Variants in RASEF observed in about 807,000 individuals in gnomAD.
The protein encoded by RASEF is ras and EF-hand domain-containing protein.
A neutral mutation model predicts 90.1 loss-of-function variants in RASEF; 68 were observed. That is an observed-to-expected ratio of 0.75 (90% confidence interval 0.62 to 0.92). The LOEUF (loss-of-function observed/expected upper bound fraction) is 0.92. Among genes scored for constraint, RASEF ranks in the 40% least tolerant of loss-of-function variants. RASEF has a pLI of 0.00. For synonymous variants in RASEF, 331 were observed against 345.2 expected (o/e 0.96, Z 0.46); for missense variants, 949 against 937.2 (o/e 1.01, Z -0.16).
At chr9:83,020,376 G>A (rs893777012) in intron 3 of RASEF, among the ~76,000 whole-genome samples, 4 of 152,214 alleles carry the variant, frequency 2.6e-5, no homozygotes, top group Non-Finnish European at 5.9e-5. Flanking sequence ...GGGGAGCCGA[G>A]GGGAGCCATG....
At chr9:83,108,117 T>G in the RASEF span, among the ~76,000 whole-genome samples, 157 of 152,252 alleles carry the variant, frequency 1.0e-3, no homozygotes, top group African/African-American at 3.6e-3. Context: ...GGGAGCTCTC[T>G]GGGGTGATGG....
the RASEF span, among the ~76,000 whole-genome samples, chr9:83,125,484 G>T: frequency 1.3e-5 from 2 of 152,108 alleles, no homozygotes; most frequent in African/African-American, 4.8e-5. Context: ...GATATCACTG[G>T]CTTCCCACAT....
intron 2 of RASEF, among the ~76,000 whole-genome samples, chr9:83,022,752 C>CCA (rs1829466527): frequency 1.3e-5 from 2 of 152,138 alleles, no homozygotes; most frequent in African/African-American, 4.8e-5. Flanking sequence ...GCCTACTTCA[C>CCA]ACCTAGGCTA....
chr9:83,070,600 G>A, the RASEF span, among the ~76,000 whole-genome samples: 1 of 152,068 alleles, frequency 6.6e-6, no homozygotes, highest in Non-Finnish European at 1.5e-5. Context: ...TTTCAAAGTT[G>A]TTTTGGATAT....
At chr9:83,162,045 G>A in the RASEF span, among the ~76,000 whole-genome samples, 40 of 151,918 alleles carry the variant, frequency 2.6e-4, no homozygotes, top group African/African-American at 9.7e-4. Flanking sequence ...GACTAATACA[G>A]GCACAAAATT....
the RASEF span, among the ~76,000 whole-genome samples, chr9:83,141,910 T>C: frequency 6.6e-6 from 1 of 152,294 alleles, no homozygotes. Flanking sequence ...ATGGAAAATT[T>C]CTGAAATCAA....
At chr9:83,142,166 C>A in the RASEF span, among the ~76,000 whole-genome samples, 2 of 152,044 alleles carry the variant, frequency 1.3e-5, no homozygotes, top group Admixed American at 6.5e-5. Context: ...CTTATTCATG[C>A]AGGAAAAGAA....
intron 1 of RASEF, among the ~76,000 whole-genome samples, chr9:83,034,481 T>A (rs975012282): frequency 3.3e-5 from 5 of 152,330 alleles, no homozygotes; most frequent in African/African-American, 1.2e-4. Flanking sequence ...TCTATTTTTA[T>A]AACATTCCCC....
At chr9:83,202,900 C>T in the RASEF span, among the ~76,000 whole-genome samples, 2 of 152,078 alleles carry the variant, frequency 1.3e-5, no homozygotes, top group South Asian at 2.1e-4. Flanking sequence ...TACATCAAAA[C>T]GTCATGTTGT....
the RASEF span, among the ~76,000 whole-genome samples, chr9:83,161,511 TA>T: frequency 6.6e-6 from 1 of 152,154 alleles, no homozygotes; most frequent in African/African-American, 2.4e-5. Context: ...AGGAAATAAC[TA>T]ACTTGCTTTT....
chr9:82,997,233 A>G lies in RASEF; in HGVS notation c.1806-107T>C, dbSNP rs559826797. On this transcript the variant is annotated intron_variant, in intron 13 of 16. Transcript: ENST00000376447. ...TCTAAAATCAACACCAGTTGAGAAGACTCTAACTGCAATATATGACTGAGA... is the reference window on the plus strand; with the variant it reads ...TCTAAAATCAACACCAGTTGAGAAGGCTCTAACTGCAATATATGACTGAGA... 309 of 707,904 alleles carry G rather than the reference A, an allele frequency of 4.4e-4. 1 individual carries two copies. The African/African-American group carries it at 5.0e-3, about 11-fold the overall frequency. The allele number at this position is 707,904 out of a possible 1,614,324, so 43.9% of individuals were successfully genotyped here.
intron 1 of RASEF, among the ~76,000 whole-genome samples, chr9:83,049,500 C>T (rs546323015): frequency 6.8e-6 from 1 of 147,152 alleles, no homozygotes; most frequent in South Asian, 2.2e-4. Flanking sequence ...GAACACATGG[C>T]TCAATGCACA....
chr9:82,994,225 C>T lies in RASEF; in HGVS notation c.1921-1200G>A, dbSNP rs146947946. ...TGGCCCTCTCCAAAATTAGCTGTTT[C>T]GCTCATTAATGCGCTCGTTAATTGT... is the stretch of plus-strand genomic sequence containing the variant. On this transcript the variant is annotated intron_variant, in intron 14 of 16. Transcript: ENST00000376447. Among the ~76,000 whole-genome samples the T allele has an allele frequency of 5.5e-3, 834 of 152,286 alleles. 9 individuals carry two copies. The highest frequency in any genetic ancestry group is 0.019 in the African/African-American group (806 of 41,554).
At chr9:83,074,519 T>C in the RASEF span, among the ~76,000 whole-genome samples, 1 of 152,200 alleles carries the variant, frequency 6.6e-6, no homozygotes, top group Non-Finnish European at 1.5e-5. Flanking sequence ...CATGACCCAC[T>C]ATTGTAGGGC....
intron 16 of RASEF, among the ~76,000 whole-genome samples, chr9:82,983,152 CA>C (rs1331504918): frequency 8.7e-5 from 13 of 149,630 alleles, no homozygotes; most frequent in African/African-American, 3.2e-4. Flanking sequence ...CACACACACA[CA>C]CACCCTTCTC....
At chr9:83,075,247 T>A in the RASEF span, among the ~76,000 whole-genome samples, 2 of 152,220 alleles carry the variant, frequency 1.3e-5, no homozygotes, top group Non-Finnish European at 2.9e-5. Flanking sequence ...ATTGTTAAAC[T>A]GCAGTTCTCA....
chr9:83,102,236 C>T, the RASEF span, among the ~76,000 whole-genome samples: 3 of 152,224 alleles, frequency 2.0e-5, no homozygotes, highest in African/African-American at 7.2e-5. Context: ...GCCACCACGC[C>T]CAGCTAATTT....
the RASEF span, among the ~76,000 whole-genome samples, chr9:83,130,496 G>A: frequency 7.1e-6 from 1 of 140,528 alleles, no homozygotes; most frequent in East Asian, 2.3e-4. Context: ...CAAATCTTGT[G>A]TAATTTTCTA....
chr9:83,164,359 A>ATG, the RASEF span, among the ~76,000 whole-genome samples: 1 of 146,216 alleles, frequency 6.8e-6, no homozygotes, highest in Non-Finnish European at 1.5e-5. Flanking sequence ...ATATATATAT[A>ATG]TATATATATA....
Sources: gnomAD v4.1 joint callset for allele counts (sites outside exome capture counted in the v4.1 genomes callset) on GRCh38, gnomAD v4.1.1 for gene constraint, MANE v1.5 for transcripts, NCBI Gene and HGNC (gene_info 2026-07-23, HGNC 2026-07-21) for gene names.